The following VPS53 variants were observed in gnomAD, a reference collection of about 807,000 sequenced individuals.
VPS53 encodes the protein vacuolar protein sorting-associated protein 53 homolog.
Under a neutral mutation model 107.0 loss-of-function variants are expected in VPS53, and 70 were observed. The ratio of observed to expected loss-of-function variants is 0.65; its 90% confidence interval spans 0.54 to 0.80. The LOEUF is 0.80. Among genes scored for constraint, VPS53 ranks in the 30% least tolerant of loss-of-function variants. The pLI is 0.00. For synonymous variants in VPS53, 409 were observed against 393.3 expected (o/e 1.04, Z -0.47); for missense variants, 917 against 1,049.4 (o/e 0.87, Z 1.74).
At chr17:629,805 AAAACCAC>A (rs1310095231) in intron 8 of VPS53, among the ~76,000 whole-genome samples, 3 of 81,270 alleles carry the variant, frequency 3.7e-5, no homozygotes, top group Non-Finnish European at 5.0e-5. Context: ...AAACAAAAAA[AAAACCAC>A]ACACACACAC....
At chr17:566,917 C>CTT (rs1165892590) in intron 13 of VPS53, among the ~76,000 whole-genome samples, 1 of 146,240 alleles carries the variant, frequency 6.8e-6, no homozygotes, top group African/African-American at 2.5e-5. Flanking sequence ...CTAATTTTTG[C>CTT]TTTTTTTTTT....
intron 19 of VPS53, among the ~76,000 whole-genome samples, chr17:531,389 T>C (rs1169459937): frequency 1.3e-5 from 2 of 152,218 alleles, no homozygotes; most frequent in Admixed American, 6.5e-5. Flanking sequence ...ACATAGGATG[T>C]TGGCTGTGGG....
At chr17:625,613 G>A (rs559890366) in intron 10 of VPS53, among the ~76,000 whole-genome samples, 19 of 152,278 alleles carry the variant, frequency 1.2e-4, no homozygotes, top group Admixed American at 8.5e-4. Context: ...TCGCTCTGGC[G>A]GAAGGTGCCG....
chr17:589,021 GGCT>G (rs1967490347), intron 12 of VPS53, among the ~76,000 whole-genome samples: 3 of 151,920 alleles, frequency 2.0e-5, no homozygotes, highest in African/African-American at 7.3e-5. Flanking sequence ...TGGAAAACAT[GGCT>G]ACTACAAACA....
At chr17:539,663 C>CA (rs1328041896) in intron 17 of VPS53, among the ~76,000 whole-genome samples, 1 of 152,166 alleles carries the variant, frequency 6.6e-6, no homozygotes, top group East Asian at 1.9e-4. Context: ...TGTACCACTG[C>CA]ACTCCAGCCT....
chr17:661,929 T>C lies in VPS53; in HGVS notation c.286-34A>G, dbSNP rs767207321. 97 of 1,529,072 alleles carry C rather than the reference T, an allele frequency of 6.3e-5. No individual in the cohort carries two copies. In the African/African-American group the frequency reaches 1.2e-3, roughly 19 times the overall value. The allele number at this position is 1,529,072 out of a possible 1,614,324, so 94.7% of individuals were successfully genotyped here. On this transcript the variant is annotated intron_variant, in intron 4 of 21. Transcript: ENST00000437048. ...AGGGAAATACATGAAAAACAAAAAG[T>C]GGCTAGAGACAGCTCCAGTCACTAA...
chr17:691,936 C>T (rs1972789873), intron 4 of VPS53, among the ~76,000 whole-genome samples: 1 of 152,196 alleles, frequency 6.6e-6, no homozygotes, highest in African/African-American at 2.4e-5. Context: ...GTTTGCTACT[C>T]TCTGGGTTTC....
chr17:546,833 C>T (rs982338163), intron 17 of VPS53, among the ~76,000 whole-genome samples: 3 of 150,162 alleles, frequency 2.0e-5, no homozygotes, highest in Non-Finnish European at 2.9e-5. Context: ...ATTGACCATA[C>T]GGCTCTTTCA....
Position 666,333 on chromosome 17 carries a change from G to A in VPS53, c.286-4438C>T, listed in dbSNP as rs144895616. ...AGAAGCCAAACAGAAGTGTTTGAAGGAGAAGGAAAGAGTGATTGTGCCTTC... is the reference window on the plus strand; with the variant it reads ...AGAAGCCAAACAGAAGTGTTTGAAGAAGAAGGAAAGAGTGATTGTGCCTTC... On this transcript the variant is annotated intron_variant, in intron 4 of 21. Coordinates refer to ENST00000437048, the MANE Select transcript of VPS53 (RefSeq NM_001128159.3). 3.9e-4 allele frequency among the ~76,000 whole-genome samples: 59 copies of A among 152,344 alleles called. No individual in the cohort carries two copies. The East Asian group carries it at 0.011, about 29-fold the overall frequency.
chr17:561,238 C>T (rs1912940485), intron 14 of VPS53, among the ~76,000 whole-genome samples: 1 of 152,222 alleles, frequency 6.6e-6, no homozygotes, highest in African/African-American at 2.4e-5. Flanking sequence ...ACACATCCTC[C>T]TGTGACTACA....
chr17:694,569 G>C (rs1972882032), intron 4 of VPS53, among the ~76,000 whole-genome samples: 1 of 152,184 alleles, frequency 6.6e-6, no homozygotes. Context: ...GAATCACACT[G>C]AACAAGCAGT....
At chr17:634,006 T>C (rs1323177000) in intron 7 of VPS53, among the ~76,000 whole-genome samples, 1 of 152,154 alleles carries the variant, frequency 6.6e-6, no homozygotes, top group Non-Finnish European at 1.5e-5. Context: ...AGTAGGAACT[T>C]TTCATGGTTA....
At chr17:636,401 C>G (rs1248036623) in intron 7 of VPS53, among the ~76,000 whole-genome samples, 2 of 152,132 alleles carry the variant, frequency 1.3e-5, no homozygotes, top group Admixed American at 6.6e-5. Flanking sequence ...AATTGAATAC[C>G]CTTTATTTCT....
At chr17:552,032 A>C in intron 16 of VPS53, 82 bp from the exon 17 acceptor site, 1 of 1,294,872 alleles carries the variant, frequency 7.7e-7, no homozygotes, top group African/African-American at 1.5e-5. Context: ...CTGTGTAAAA[A>C]TCAGATTCAT....
chr17:576,977 A>G (rs982146617), intron 13 of VPS53, among the ~76,000 whole-genome samples: 2 of 148,106 alleles, frequency 1.4e-5, no homozygotes, highest in Non-Finnish European at 1.5e-5. Context: ...CAGAACCTCA[A>G]TGACTTAGCA....
Position 516,396 on chromosome 17 carries a change from C to T in VPS53, c.*2732G>A, listed in dbSNP as rs1908312459. ...TTTTTTGTTTGTTTTGAGATAGAGT[C>T]TCACTCTGTCGCCAGGCTGGAGTGC... On this transcript the variant is annotated 3_prime_UTR_variant, in exon 22 of 22. Transcript: ENST00000437048. 6.6e-6 allele frequency: 1 copy of T among 152,038 alleles called. No individual in the cohort carries two copies. Among genetic ancestry groups the T allele is most frequent in the South Asian group, 2.1e-4 (1 of 4,804 alleles). The allele number at this position is 152,038 out of a possible 1,614,324, so 9.4% of individuals were successfully genotyped here. A position where few individuals can be genotyped will look rare whatever the true frequency, so the allele number is the denominator to read the frequency against.
intron 7 of VPS53, among the ~76,000 whole-genome samples, chr17:634,728 T>A (rs1970118473): frequency 1.3e-5 from 2 of 152,048 alleles, no homozygotes; most frequent in Non-Finnish European, 2.9e-5. Flanking sequence ...CATGAACTCA[T>A]CCTTTTTTAT....
At chr17:635,480 G>A (rs1970157997) in intron 7 of VPS53, among the ~76,000 whole-genome samples, 1 of 152,184 alleles carries the variant, frequency 6.6e-6, no homozygotes, top group Admixed American at 6.5e-5. Context: ...CCATGCCTAT[G>A]TCCTGAATGG....
At position 577,973 on chromosome 17, in the gene VPS53, T is replaced by C. The variant is rs1446275869; in HGVS notation, c.1313+8297A>G. ...TTCCCAAAGATCCTCCTTCAGAATC[T>C]AACACACTCACAGAGAAATTCCCTC... On this transcript the variant is annotated intron_variant, in intron 13 of 21. Transcript: ENST00000437048. Among the ~76,000 whole-genome samples, 5 of 151,584 alleles carry C rather than the reference T, an allele frequency of 3.3e-5. No individual in the cohort carries two copies. The East Asian group carries it at 7.8e-4, about 24-fold the overall frequency.
Sources: allele counts gnomAD v4.1 joint callset (sites outside exome capture counted in the v4.1 genomes callset), GRCh38; gene constraint gnomAD v4.1.1; transcripts MANE v1.5; gene names NCBI Gene and HGNC (gene_info 2026-07-23, HGNC 2026-07-21).